Variants in GRAMD4 observed in about 807,000 individuals in gnomAD.
GRAMD4 encodes the protein GRAM domain containing 4.
In GRAMD4, 25 loss-of-function variants were observed where a neutral mutation model predicts 83.9. That is an observed-to-expected ratio of 0.30 (90% CI 0.22 to 0.42). GRAMD4 has a LOEUF of 0.42. Ranked by LOEUF, GRAMD4 falls within the 10% of genes least tolerant of loss-of-function variation. The pLI, the probability that GRAMD4 is intolerant of heterozygous loss-of-function variation, is 1.00. For synonymous variants in GRAMD4, 336 were observed against 320.9 expected, an observed-to-expected ratio of 1.05 and a Z score of -0.50; for missense variants, 593 against 788.7, an observed-to-expected ratio of 0.75 and a Z score of 2.97.
chr22:46,602,603 G>A (rs980886686), intron 1 of GRAMD4, among the ~76,000 whole-genome samples: 13 of 151,936 alleles, frequency 8.6e-5, no homozygotes, highest in African/African-American at 2.4e-4. Flanking sequence ...TCGAGACTGC[G>A]GTGAGCTGTG....
intron 3 of GRAMD4, among the ~76,000 whole-genome samples, chr22:46,644,697 GTTTTTTTTTTTTTTTTTTTTTTTTT>G (rs71192437): frequency 8.2e-5 from 8 of 97,340 alleles, no homozygotes; most frequent in South Asian, 3.9e-4. Flanking sequence ...CTTGTTCCCT[GTTTTTTTTTTTTTTTTTTTTTTTTT>G]TTTTTTTTTT....
chr22:46,623,317 G>A (rs763294117), intron 1 of GRAMD4, among the ~76,000 whole-genome samples: 8 of 152,246 alleles, frequency 5.3e-5, no homozygotes, highest in Non-Finnish European at 1.0e-4. Flanking sequence ...GGGGTGGCCG[G>A]TTGAGGGGGC....
At chr22:46,670,607 C>T (rs1311739539) in intron 13 of GRAMD4, among the ~76,000 whole-genome samples, 4 of 152,112 alleles carry the variant, frequency 2.6e-5, no homozygotes, top group Non-Finnish European at 5.9e-5. Context: ...ATCTGCCCTG[C>T]TGTCCTTTTT....
chr22:46,582,404 CCT>C (rs2081107149), intron 1 of GRAMD4, among the ~76,000 whole-genome samples: 1 of 152,038 alleles, frequency 6.6e-6, no homozygotes, highest in African/African-American at 2.4e-5. Context: ...GTTCCTGGGA[CCT>C]CTCTGCTCCA....
At chr22:46,657,178 C>T (rs147657722) in intron 3 of GRAMD4, among the ~76,000 whole-genome samples, 96 of 152,266 alleles carry the variant, frequency 6.3e-4, no homozygotes, top group Non-Finnish European at 1.1e-3. Flanking sequence ...GGGTGGGGAG[C>T]GCCTGGGCAG....
chr22:46,593,494 G>A lies in GRAMD4; in HGVS notation c.-50+16204G>A, dbSNP rs373910326. The stretch of plus-strand genomic sequence containing the variant: ...CCCAACCCCTGCCGCAGGGCCTACC[G>A]AGAGTCCCATGGCGGGCGGGCAGAG... On this transcript the variant is annotated intron_variant, in intron 1 of 1. Transcript: ENST00000431155. Among the ~76,000 whole-genome samples the A allele has an allele frequency of 5.3e-5, 8 of 152,288 alleles. No homozygotes were observed. In the East Asian group the frequency reaches 5.8e-4, roughly 11 times the overall value.
In GRAMD4 at chr22:46,666,819, C is replaced by T. The variant is rs199991535; in HGVS notation, c.810-6C>T. On this transcript the variant is annotated splice_region_variant and splice_polypyrimidine_tract_variant and intron_variant, in intron 9 of 18. Coordinates refer to ENST00000406902, the MANE Select transcript of GRAMD4 (RefSeq NM_015124.5). ...CCTAAAGGTGTGTGTGTTTTCTGTTCGCCAGGGGGTGGCGGATACAGTGGA... is the reference window on the plus strand; with the variant it reads ...CCTAAAGGTGTGTGTGTTTTCTGTTTGCCAGGGGGTGGCGGATACAGTGGA... 9.1e-5 allele frequency: 146 copies of T among 1,610,356 alleles called. No individual in the cohort carries two copies. The highest frequency in any genetic ancestry group is 5.3e-4 in the African/African-American group (40 of 74,856).
intron 1 of GRAMD4, among the ~76,000 whole-genome samples, chr22:46,583,734 G>A (rs990966004): frequency 2.0e-5 from 3 of 152,358 alleles, no homozygotes; most frequent in South Asian, 2.1e-4. Flanking sequence ...CACGCCAGGC[G>A]CATACCTTCG....
upstream of GRAMD4, among the ~76,000 whole-genome samples, chr22:46,617,258 C>T (rs111795149): frequency 0.27 from 39,216 of 147,152 alleles, 5,545 homozygotes; most frequent in Non-Finnish European, 0.34. Context: ...GTAGGTTCCC[C>T]TGTGCTTGTG....
chr22:46,661,479 G>A (rs762019565), intron 5 of GRAMD4, 37 bp downstream of exon 5: 41 of 1,405,366 alleles, frequency 2.9e-5, no homozygotes, highest in Non-Finnish European at 3.4e-5. Flanking sequence ...GCAGGCGGGC[G>A]GGTGGGTGGC....
upstream of GRAMD4, among the ~76,000 whole-genome samples, chr22:46,576,330 C>T (rs2081042373): frequency 6.6e-6 from 1 of 152,216 alleles, no homozygotes. Flanking sequence ...CCCTCTGCCC[C>T]TTCACTGAGC....
chr22:46,607,923 C>T (rs2081381046), intron 1 of GRAMD4, among the ~76,000 whole-genome samples: 1 of 152,214 alleles, frequency 6.6e-6, no homozygotes, highest in Non-Finnish European at 1.5e-5. Context: ...TGAGCACCTT[C>T]CTGGGCTGGT....
chr22:46,610,341 G>A (rs2081405079), intron 1 of GRAMD4, among the ~76,000 whole-genome samples: 1 of 152,218 alleles, frequency 6.6e-6, no homozygotes, highest in African/African-American at 2.4e-5. Flanking sequence ...CTAGGCATCT[G>A]TGGACCCCGG....
In GRAMD4 at chr22:46,666,800, G is replaced by GGT. The variant is rs1292807062; in HGVS notation, c.810-16_810-15dup. On this transcript the variant is annotated intron_variant, in intron 9 of 18. Coordinates refer to ENST00000406902, the MANE Select transcript of GRAMD4 (RefSeq NM_015124.5). The stretch of plus-strand genomic sequence containing the variant: ...CTGACTCAGGTGGCGCTGTCCTAAA[G>GGT]GTGTGTGTGTTTTCTGTTCGCCAGG... The GGT allele has an allele frequency of 1.9e-6, 3 of 1,604,716 alleles. No individual in the cohort carries two copies. In the East Asian group the frequency reaches 6.7e-5, roughly 36 times the overall value.
At position 46,677,397 on chromosome 22, in the gene GRAMD4, C is replaced by T; in HGVS notation, c.*146C>T. 1.4e-6 allele frequency: 2 copies of T among 1,389,904 alleles called. No individual in the cohort carries two copies. The highest frequency in any genetic ancestry group is 2.6e-5 in the East Asian group (1 of 38,632). 86.1% of individuals were successfully genotyped at this position (1,389,904 alleles called of 1,614,324 possible). ...TGGACCTGTGGTTCTATTGTGTTGA[C>T]CTCTGCGTTTTATCGACCAAGAAGG... On this transcript the variant is annotated 3_prime_UTR_variant, in exon 19 of 19. Transcript: ENST00000406902.
intron 3 of GRAMD4, among the ~76,000 whole-genome samples, chr22:46,643,140 C>CA (rs1569283829): frequency 9.1e-4 from 37 of 40,586 alleles, no homozygotes; most frequent in East Asian, 2.4e-3. Flanking sequence ...TCCATGCATC[C>CA]TTCCATCCAT....
chr22:46,595,247 C>T (rs928951269), intron 1 of GRAMD4, among the ~76,000 whole-genome samples: 3 of 152,160 alleles, frequency 2.0e-5, no homozygotes, highest in Non-Finnish European at 4.4e-5. Flanking sequence ...TGCGACGCAG[C>T]GGGTCTGCAC....
chr22:46,651,344 GGC>G (rs1186076282), intron 3 of GRAMD4, among the ~76,000 whole-genome samples: 1 of 152,224 alleles, frequency 6.6e-6, no homozygotes, highest in Admixed American at 6.5e-5. Context: ...CCCTGGAAGA[GGC>G]GCAGCTCACT....
In GRAMD4 at chr22:46,655,940, C is replaced by T. The variant is rs142391259; in HGVS notation, c.284-2247C>T. Among the ~76,000 whole-genome samples, 159 of 152,030 alleles carry T rather than the reference C, an allele frequency of 1.0e-3. 1 individual carries two copies. Among genetic ancestry groups the T allele is most frequent in the African/African-American group, 3.7e-3 (153 of 41,462 alleles). On this transcript the variant is annotated intron_variant, in intron 3 of 18. Coordinates refer to ENST00000406902, the MANE Select transcript of GRAMD4 (RefSeq NM_015124.5). Reference sequence around the variant, plus strand: ...ACCTCCGTCCGCGGAGAAAAGTAGCCGTGCCAGGGCCAGACGCTTCTCCCC... The same window carrying T: ...ACCTCCGTCCGCGGAGAAAAGTAGCTGTGCCAGGGCCAGACGCTTCTCCCC...
Sources: allele counts gnomAD v4.1 joint callset (sites outside exome capture counted in the v4.1 genomes callset), GRCh38; gene constraint gnomAD v4.1.1; transcripts MANE v1.5; gene names NCBI Gene and HGNC (gene_info 2026-07-23, HGNC 2026-07-21).